The following SPPL3 variants were observed in gnomAD, a reference collection of about 807,000 sequenced individuals.
SPPL3 encodes signal peptide peptidase like 3.
SPPL3 carries 5 observed loss-of-function variants against 42.4 expected under a neutral mutation model. That is an observed-to-expected ratio of 0.12 (90% confidence interval 0.06 to 0.25). The LOEUF (loss-of-function observed/expected upper bound fraction) is 0.25, where lower values mean the gene tolerates loss of function less well. Ranked by LOEUF, SPPL3 falls within the 10% of genes least tolerant of loss-of-function variation. The probability of loss-of-function intolerance (pLI) is 1.00; values close to 1 mark genes in which losing one functional copy is unlikely to be tolerated. For synonymous variants in SPPL3, 195 were observed against 181.8 expected (o/e 1.07, Z -0.58); for missense variants, 235 against 489.0 (o/e 0.48, Z 4.90).
chr12:120,784,923 T>G (rs910280710), intron 3 of SPPL3, among the ~76,000 whole-genome samples: 2 of 151,428 alleles, frequency 1.3e-5, no homozygotes, highest in African/African-American at 4.9e-5. Flanking sequence ...TTGGGTAAAT[T>G]TGTGGTCTTG....
chr12:120,903,799 A>AC, intron 1 of SPPL3, 46 bp downstream of exon 1: 1 of 1,224,110 alleles, frequency 8.2e-7, no homozygotes, highest in Non-Finnish European at 1.0e-6. Flanking sequence ...CGGCGCCCCG[A>AC]CCCCCACCCT....
rs143592678 is a variant in SPPL3 at position 120,807,439 on chromosome 12, G to A, written c.101+3370C>T. On this transcript the variant is annotated intron_variant, in intron 2 of 10. Coordinates refer to ENST00000353487, the MANE Select transcript of SPPL3 (RefSeq NM_139015.5). ...GCCTGTAATCCCAGCACTTTGGGAG[G>A]CCGAGGCGGGCAGATCACGAGGTCA... Among the ~76,000 whole-genome samples the A allele has an allele frequency of 3.4e-3, 514 of 152,258 alleles. 3 individuals carry two copies. Among genetic ancestry groups the A allele is most frequent in the African/African-American group, 0.012 (497 of 41,542 alleles).
chr12:120,805,307 TA>T (rs1217362563), intron 2 of SPPL3, among the ~76,000 whole-genome samples: 1 of 152,174 alleles, frequency 6.6e-6, no homozygotes, highest in Non-Finnish European at 1.5e-5. Context: ...AATAGAAGCA[TA>T]AGAACACATG....
At chr12:120,882,606 C>T (rs961073968) in intron 1 of SPPL3, among the ~76,000 whole-genome samples, 4 of 151,972 alleles carry the variant, frequency 2.6e-5, no homozygotes, top group Non-Finnish European at 1.5e-5. Context: ...CAGTGGTCTC[C>T]TATGTATCCA....
chr12:120,799,384 T>C (rs1308213714), intron 2 of SPPL3, among the ~76,000 whole-genome samples: 2 of 152,196 alleles, frequency 1.3e-5, no homozygotes, highest in African/African-American at 2.4e-5. Flanking sequence ...CTTTGTACCA[T>C]CATGAAGTGG....
At chr12:120,869,504 G>T (rs1380293376) in intron 1 of SPPL3, among the ~76,000 whole-genome samples, 1 of 152,188 alleles carries the variant, frequency 6.6e-6, no homozygotes, top group Non-Finnish European at 1.5e-5. Context: ...CCTAAACCCT[G>T]TCCATTAAAT....
intron 1 of SPPL3, among the ~76,000 whole-genome samples, chr12:120,865,102 A>G (rs1049607975): frequency 1.3e-5 from 2 of 152,348 alleles, no homozygotes; most frequent in African/African-American, 4.8e-5. Flanking sequence ...TTCCAGGGAA[A>G]TAGGGGCCAC....
chr12:120,789,943 T>C (rs1380699123), intron 3 of SPPL3, among the ~76,000 whole-genome samples: 2 of 150,354 alleles, frequency 1.3e-5, no homozygotes, highest in Admixed American at 6.7e-5. Flanking sequence ...TTAGACATAA[T>C]AATATAGGTA....
intron 1 of SPPL3, among the ~76,000 whole-genome samples, chr12:120,903,026 C>T (rs1874032784): frequency 6.6e-6 from 1 of 152,116 alleles, no homozygotes; most frequent in African/African-American, 2.4e-5. Flanking sequence ...CGCTTCTCGG[C>T]CCTTAACGAG....
chr12:120,813,233 T>A (rs757763417), intron 1 of SPPL3, among the ~76,000 whole-genome samples: 100 of 148,228 alleles, frequency 6.7e-4, no homozygotes, highest in Non-Finnish European at 7.8e-4. Flanking sequence ...TTACATTTCC[T>A]TTAATCGTTG....
chr12:120,789,824 C>CAAAAAAAAAAAAAAAAAAAAAAA lies in SPPL3; in HGVS notation c.190+1622_190+1644dup, dbSNP rs3050392. 1.3e-4 allele frequency among the ~76,000 whole-genome samples: 4 copies of CAAAAAAAAAAAAAAAAAAAAAAA among 30,462 alleles called. 2 individuals are homozygous for CAAAAAAAAAAAAAAAAAAAAAAA. Among genetic ancestry groups the CAAAAAAAAAAAAAAAAAAAAAAA allele is most frequent in the African/African-American group, 4.4e-4 (4 of 8,998 alleles). 20.0% of individuals were successfully genotyped at this position (30,462 alleles called of 152,430 possible). A position where few individuals can be genotyped will look rare whatever the true frequency, so the allele number is the denominator to read the frequency against. On this transcript the variant is annotated intron_variant, in intron 3 of 10. Coordinates refer to ENST00000353487, the MANE Select transcript of SPPL3 (RefSeq NM_139015.5). ...TGAATGACAGAGCAAGACTCCGTCT[C>CAAAAAAAAAAAAAAAAAAAAAAA]AAAAAAAAAAAAAAAAAAAAAAAAA...
chr12:120,798,112 C>T (rs1265359646), intron 2 of SPPL3, among the ~76,000 whole-genome samples: 1 of 152,110 alleles, frequency 6.6e-6, no homozygotes. Flanking sequence ...GTGACAGCTC[C>T]CCAGCAGGAC....
At chr12:120,779,602 A>G (rs1869450292) in intron 6 of SPPL3, among the ~76,000 whole-genome samples, 2 of 152,180 alleles carry the variant, frequency 1.3e-5, no homozygotes. Flanking sequence ...AAAGAATTTT[A>G]CTTTGTGGGG....
At chr12:120,796,037 C>T (rs1870085115) in intron 2 of SPPL3, among the ~76,000 whole-genome samples, 1 of 152,178 alleles carries the variant, frequency 6.6e-6, no homozygotes, top group Admixed American at 6.5e-5. Context: ...TCATCTCAGA[C>T]ATTGTTGTCT....
chr12:120,891,268 A>G lies in SPPL3; in HGVS notation c.23+12577T>C, dbSNP rs534598559. Among the ~76,000 whole-genome samples, 9 of 152,304 alleles carry G rather than the reference A, an allele frequency of 5.9e-5. No individual in the cohort carries two copies. In the East Asian group the frequency reaches 1.5e-3, roughly 26 times the overall value. On this transcript the variant is annotated intron_variant, in intron 1 of 10. Coordinates refer to ENST00000353487, the MANE Select transcript of SPPL3 (RefSeq NM_139015.5). ...TAGGCCTGTGAGTTTTCACCACTGCAAAGATACAAAGGTTCAAAAACAAAA... is the reference window on the plus strand; with the variant it reads ...TAGGCCTGTGAGTTTTCACCACTGCGAAGATACAAAGGTTCAAAAACAAAA...
chr12:120,845,434 T>G (rs1008078468), intron 1 of SPPL3: 1 of 406,472 alleles, frequency 2.5e-6, no homozygotes, highest in Non-Finnish European at 4.9e-6. Context: ...AGAGGCCGGA[T>G]CTTGTCCGAG....
At chr12:120,795,342 A>C (rs1275178660) in intron 2 of SPPL3, among the ~76,000 whole-genome samples, 1 of 152,232 alleles carries the variant, frequency 6.6e-6, no homozygotes, top group Non-Finnish European at 1.5e-5. Flanking sequence ...GTAAATACAG[A>C]TTTAAGGCTG....
chr12:120,769,254 G>A (rs184090904), intron 6 of SPPL3, 195 bp from the exon 7 acceptor site: 1 of 509,254 alleles, frequency 2.0e-6, no homozygotes, highest in Non-Finnish European at 3.6e-6. Flanking sequence ...TGTGGAATTT[G>A]GGGTGATTGC....
At chr12:120,853,786 C>T (rs1294927287) in intron 1 of SPPL3, among the ~76,000 whole-genome samples, 4 of 152,092 alleles carry the variant, frequency 2.6e-5, no homozygotes, top group African/African-American at 9.7e-5. Context: ...ACAGATGCTA[C>T]TACTAGTCCA....
Sources: allele counts gnomAD v4.1 joint callset (sites outside exome capture counted in the v4.1 genomes callset), GRCh38; gene constraint gnomAD v4.1.1; transcripts MANE v1.5; gene names NCBI Gene and HGNC (gene_info 2026-07-23, HGNC 2026-07-21).